PRKN: variants seen among roughly 807,000 people sequenced by gnomAD.
The protein encoded by PRKN is E3 ubiquitin-protein ligase parkin.
A neutral mutation model predicts 59.5 loss-of-function variants in PRKN; 56 were observed. The observed-to-expected ratio is 0.94, with a 90% CI of 0.76 to 1.18. PRKN has a LOEUF of 1.18. Ranked by LOEUF, PRKN falls within the 50% of genes most tolerant of loss-of-function variation. The pLI is 0.00. For missense variants in PRKN, 657 were observed against 596.4 expected (o/e 1.10, Z -1.06); for synonymous variants, 250 against 222.1 (o/e 1.13, Z -1.12).
At chr6:161,731,057 T>G (rs944059332) in intron 7 of PRKN, among the ~76,000 whole-genome samples, 1 of 152,270 alleles carries the variant, frequency 6.6e-6, no homozygotes, top group African/African-American at 2.4e-5. Flanking sequence ...TGTTGCATTC[T>G]GAAGTGTTGC....
intron 5 of PRKN, among the ~76,000 whole-genome samples, chr6:161,982,150 T>C (rs1196374537): frequency 6.6e-6 from 1 of 152,204 alleles, no homozygotes. Context: ...CATAATTTGA[T>C]GTTTATAACT....
intron 1 of PRKN, among the ~76,000 whole-genome samples, chr6:162,570,503 T>C (rs34914103): frequency 0.091 from 13,856 of 152,288 alleles, 767 homozygotes; most frequent in South Asian, 0.19. Flanking sequence ...GTATACAAGA[T>C]ATATCTGCAC....
chr6:161,684,646 AC>A (rs1189475088), intron 7 of PRKN, among the ~76,000 whole-genome samples: 10 of 152,360 alleles, frequency 6.6e-5, no homozygotes, highest in Admixed American at 6.5e-5. Context: ...GGAAATAATG[AC>A]CATTCTAAAG....
intron 6 of PRKN, among the ~76,000 whole-genome samples, chr6:161,815,027 A>T (rs1791715391): frequency 6.6e-6 from 1 of 151,990 alleles, no homozygotes; most frequent in Non-Finnish European, 1.5e-5. Context: ...TTTTATGACA[A>T]TGAGAAAAAC....
At chr6:162,235,962 AAAGAAAG>A (rs1562602283) in intron 3 of PRKN, among the ~76,000 whole-genome samples, 1 of 59,298 alleles carries the variant, frequency 1.7e-5, no homozygotes, top group Non-Finnish European at 3.2e-5. Flanking sequence ...AGAAAGGAAG[AAAGAAAG>A]AAAGAAAGAA....
intron 1 of PRKN, among the ~76,000 whole-genome samples, chr6:162,458,872 A>C (rs987961143): frequency 6.6e-6 from 1 of 152,192 alleles, no homozygotes; most frequent in Non-Finnish European, 1.5e-5. Context: ...GCTGGAGTAT[A>C]GTTGCATGAC....
At chr6:162,270,230 TG>T (rs1780313550) in intron 2 of PRKN, 1 of 152,188 alleles carries the variant, frequency 6.6e-6, no homozygotes, top group Admixed American at 6.5e-5. Context: ...TGGATGGGAT[TG>T]GAGACTATTA....
chr6:162,479,878 A>G (rs1420026592), intron 1 of PRKN, among the ~76,000 whole-genome samples: 1 of 151,992 alleles, frequency 6.6e-6, no homozygotes, highest in Non-Finnish European at 1.5e-5. Flanking sequence ...CATCCTGGCC[A>G]ACATAGTGAA....
chr6:161,821,567 CA>C (rs1465510785), intron 6 of PRKN, among the ~76,000 whole-genome samples: 1 of 151,966 alleles, frequency 6.6e-6, no homozygotes, highest in Admixed American at 6.6e-5. Flanking sequence ...AGTGATCACA[CA>C]TTCATTTTCA....
At chr6:162,058,904 A>T (rs1029186999) in intron 4 of PRKN, among the ~76,000 whole-genome samples, 2 of 149,304 alleles carry the variant, frequency 1.3e-5, no homozygotes, top group Admixed American at 6.7e-5. Flanking sequence ...GTGGGCCGAG[A>T]TCACACCACT....
In PRKN at chr6:161,676,080, A is replaced by T. The variant is rs754749702; in HGVS notation, c.872-106664T>A. ...GTACTCGGCAGTGACTACGATTCCT[A>T]AACAATTCCTGTCCTCTCTTTCACT... On this transcript the variant is annotated intron_variant, in intron 7 of 11. Transcript: ENST00000366898. 3.9e-5 allele frequency among the ~76,000 whole-genome samples: 6 copies of T among 152,146 alleles called. No homozygotes were observed. In the South Asian group the frequency reaches 1.2e-3, roughly 31 times the overall value.
At chr6:162,152,251 C>A (rs554703403) in intron 4 of PRKN, among the ~76,000 whole-genome samples, 5 of 152,162 alleles carry the variant, frequency 3.3e-5, no homozygotes, top group African/African-American at 1.2e-4. Flanking sequence ...TGGCTCACAT[C>A]GTTTCCTAGT....
chr6:162,341,654 G>C (rs1166434896), intron 2 of PRKN, among the ~76,000 whole-genome samples: 1 of 151,994 alleles, frequency 6.6e-6, no homozygotes. Context: ...AACTAACACA[G>C]GCACAGAAAA....
chr6:162,616,780 T>C (rs1419852595), intron 1 of PRKN, among the ~76,000 whole-genome samples: 1 of 152,222 alleles, frequency 6.6e-6, no homozygotes, highest in East Asian at 1.9e-4. Flanking sequence ...TAACAGTACT[T>C]TTCCTTTGCT....
chr6:162,556,754 AAAAAAAAAAG>A (rs1157566229), intron 1 of PRKN, among the ~76,000 whole-genome samples: 2 of 151,114 alleles, frequency 1.3e-5, no homozygotes, highest in Admixed American at 6.6e-5. Context: ...TCAAAAAAAA[AAAAAAAAAAG>A]AGAAAAGGAA....
chr6:161,924,092 G>A (rs1028230018), intron 6 of PRKN, among the ~76,000 whole-genome samples: 1 of 152,082 alleles, frequency 6.6e-6, no homozygotes, highest in South Asian at 2.1e-4. Flanking sequence ...CAGATTCCTC[G>A]TCTGTGAAAT....
In PRKN at chr6:162,641,485, C is replaced by T. The variant is rs528270654; in HGVS notation, c.7+86177G>A. 2.0e-5 allele frequency among the ~76,000 whole-genome samples: 3 copies of T among 152,048 alleles called. No individual in the cohort carries two copies. The South Asian group carries it at 6.2e-4, about 32-fold the overall frequency. On this transcript the variant is annotated intron_variant, in intron 1 of 11. Coordinates refer to ENST00000366898, the MANE Select transcript of PRKN (RefSeq NM_004562.3). Reference sequence around the variant, plus strand: ...AGTATCTGGTTACCTATTTAATCAACGTGGCAAACAGAAGAAGGCACACAA... The same window carrying T: ...AGTATCTGGTTACCTATTTAATCAATGTGGCAAACAGAAGAAGGCACACAA...
At chr6:161,836,207 T>A (rs997358923) in intron 6 of PRKN, among the ~76,000 whole-genome samples, 11 of 152,304 alleles carry the variant, frequency 7.2e-5, no homozygotes, top group African/African-American at 2.2e-4. Flanking sequence ...AATGCAGTAG[T>A]ATTCGCTTGC....
intron 2 of PRKN, among the ~76,000 whole-genome samples, chr6:162,358,613 A>G (rs1429852510): frequency 6.6e-6 from 1 of 152,206 alleles, no homozygotes; most frequent in East Asian, 1.9e-4. Context: ...ATTTTGAAAT[A>G]GTTCTAGTAG....
Sources: gnomAD v4.1 joint callset for allele counts (sites outside exome capture counted in the v4.1 genomes callset) on GRCh38, gnomAD v4.1.1 for gene constraint, MANE v1.5 for transcripts, NCBI Gene and HGNC (gene_info 2026-07-23, HGNC 2026-07-21) for gene names.